Variants in COL6A5 observed in about 807,000 individuals in gnomAD.
COL6A5 encodes the protein collagen type VI alpha 5 chain.
A neutral mutation model predicts 65.6 loss-of-function variants in COL6A5; 48 were observed. The ratio of observed to expected loss-of-function variants is 0.73; its 90% CI spans 0.58 to 0.93. COL6A5 has a LOEUF of 0.93. Among genes scored for constraint, COL6A5 ranks in the 40% least tolerant of loss-of-function variants. COL6A5 has a pLI of 0.00. For missense variants in COL6A5, 914 were observed against 928.3 expected (o/e 0.98, Z 0.20); for synonymous variants, 291 against 322.8 (o/e 0.90, Z 1.05).
chr3:130,417,997 T>G (rs79207147), intron 24 of COL6A5, among the ~76,000 whole-genome samples: 3,509 of 152,150 alleles, frequency 0.023, 143 homozygotes, highest in African/African-American at 0.079. Flanking sequence ...AATACAGTAT[T>G]GTATACTCGA....
chr3:130,438,389 ATGAATGAG>A (rs575449291), intron 1 of COL6A5, among the ~76,000 whole-genome samples: 5,531 of 152,276 alleles, frequency 0.036, 113 homozygotes, highest in South Asian at 0.09. Flanking sequence ...TATTTGTTGA[ATGAATGAG>A]TGAATGAGTG....
At chr3:130,413,181 T>TTCATCAGGGAGAA (rs1553752736) in intron 20 of COL6A5, among the ~76,000 whole-genome samples, 2 of 152,010 alleles carry the variant, frequency 1.3e-5, no homozygotes, top group Admixed American at 1.3e-4. Flanking sequence ...ACAGCTCTTC[T>TTCATCAGGGAGAA]CCCATGGGAA....
At chr3:130,370,508 A>G (rs1168926122) in intron 1 of COL6A5, among the ~76,000 whole-genome samples, 1 of 152,168 alleles carries the variant, frequency 6.6e-6, no homozygotes, top group Non-Finnish European at 1.5e-5. Context: ...TCTTATCTGG[A>G]GGAATACAAA....
chr3:130,416,873 G>A (rs1937360535), intron 24 of COL6A5, 54 bp downstream of exon 24: 5 of 920,612 alleles, frequency 5.4e-6, no homozygotes, highest in African/African-American at 3.4e-5. Flanking sequence ...TATATTTAAT[G>A]GATAATTAAT....
At chr3:130,439,692 C>A in intron 2 of COL6A5, 77 bp downstream of exon 34, 2 of 965,146 alleles carry the variant, frequency 2.1e-6, no homozygotes, top group Non-Finnish European at 1.6e-6. Context: ...GTGGTTTTAT[C>A]CAGAGATTTC....
chr3:130,376,171 T>A, intron 2 of COL6A5, 66 bp from the exon 3 acceptor site: 1 of 1,456,524 alleles, frequency 6.9e-7, no homozygotes, highest in Non-Finnish European at 9.2e-7. Flanking sequence ...CTTAAATAAG[T>A]ATTGTGGTCT....
At position 130,371,666 on chromosome 3, in the gene COL6A5, A is replaced by C. The variant is rs1935566259; in HGVS notation, c.-28-1945A>C. On this transcript the variant is annotated intron_variant and NMD_transcript_variant, in intron 1 of 41. Coordinates refer to the COL6A5 transcript ENST00000312481. Reference sequence around the variant, plus strand: ...ATTGTATCCCTACCTCACCCCATACACAAAACAACTTAAAATGGGTTAAAG... The same window carrying C: ...ATTGTATCCCTACCTCACCCCATACCCAAAACAACTTAAAATGGGTTAAAG... Among the ~76,000 whole-genome samples, 4 of 152,190 alleles carry C rather than the reference A, an allele frequency of 2.6e-5. No individual in the cohort carries two copies. In the South Asian group the frequency reaches 8.3e-4, roughly 32 times the overall value.
At chr3:130,374,536 C>A (rs190681233) in intron 2 of COL6A5, among the ~76,000 whole-genome samples, 1 of 152,232 alleles carries the variant, frequency 6.6e-6, no homozygotes, top group African/African-American at 2.4e-5. Flanking sequence ...TCACCACAAC[C>A]TCTGCTCCCT....
intron 4 of COL6A5, among the ~76,000 whole-genome samples, chr3:130,454,173 C>T (rs1709511273): frequency 6.6e-6 from 1 of 152,120 alleles, no homozygotes; most frequent in Admixed American, 6.5e-5. Flanking sequence ...CTCAGTGAGA[C>T]AAAAATTTTC....
At chr3:130,476,921 G>C (rs141004175) in intron 7 of COL6A5, 1 of 700,958 alleles carries the variant, frequency 1.4e-6, no homozygotes, top group African/African-American at 1.7e-5. Context: ...TATTTGGCCA[G>C]CCCTGCTCCC....
At chr3:130,442,406 A>G (rs768710030) in intron 3 of COL6A5, among the ~76,000 whole-genome samples, 3 of 152,154 alleles carry the variant, frequency 2.0e-5, no homozygotes, top group Non-Finnish European at 4.4e-5. Context: ...TTGTGCCATT[A>G]AGATTGATGA....
intron 3 of COL6A5, among the ~76,000 whole-genome samples, chr3:130,442,818 A>G (rs1219632132): frequency 1.3e-5 from 2 of 152,230 alleles, no homozygotes; most frequent in African/African-American, 4.8e-5. Flanking sequence ...AAATGTGATT[A>G]TTATAAAACT....
intron 1 of COL6A5, among the ~76,000 whole-genome samples, chr3:130,365,609 C>A (rs1047593681): frequency 3.9e-5 from 6 of 152,160 alleles, no homozygotes; most frequent in African/African-American, 1.4e-4. Flanking sequence ...CTCATGTAAA[C>A]TTCTCAACAA....
intron 4 of COL6A5, among the ~76,000 whole-genome samples, chr3:130,452,974 C>T (rs1368729323): frequency 1.3e-5 from 2 of 152,164 alleles, no homozygotes; most frequent in Non-Finnish European, 2.9e-5. Context: ...TCTGTTCCGC[C>T]CAGCTCACCA....
chr3:130,410,572 T>C, intron 20 of COL6A5, 48 bp downstream of exon 20: 1 of 1,440,656 alleles, frequency 6.9e-7, no homozygotes, highest in Non-Finnish European at 9.5e-7. Flanking sequence ...CACTTGAAGA[T>C]GACAGAGGCA....
At chr3:130,379,834 C>A in exon 4 of COL6A5, 1 of 1,551,322 alleles carries the variant, frequency 6.4e-7, no homozygotes. Context: ...GCTGAACCTT[C>A]GACTGGAGGA....
chr3:130,369,467 T>A (rs1029929262), intron 1 of COL6A5, among the ~76,000 whole-genome samples: 1 of 152,214 alleles, frequency 6.6e-6, no homozygotes, highest in Non-Finnish European at 1.5e-5. Flanking sequence ...CCCTTTAGTG[T>A]CTGAACCTCT....
chr3:130,386,745 C>T (rs1240627447), intron 5 of COL6A5, among the ~76,000 whole-genome samples: 1 of 152,018 alleles, frequency 6.6e-6, no homozygotes, highest in East Asian at 1.9e-4. Context: ...ACATCCCTTG[C>T]ACTTCAGGTA....
chr3:130,410,053 C>T (rs1232893813), exon 19 of COL6A5: 2 of 1,549,102 alleles, frequency 1.3e-6, no homozygotes, highest in South Asian at 1.2e-5. Flanking sequence ...AAAAGGGCTC[C>T]AAAGGAGAAC....
Sources: allele counts gnomAD v4.1 joint callset (sites outside exome capture counted in the v4.1 genomes callset), GRCh38; gene constraint gnomAD v4.1.1; transcripts MANE v1.5; gene names NCBI Gene and HGNC (gene_info 2026-07-23, HGNC 2026-07-21).